Variants in CDH13 observed in about 807,000 individuals in gnomAD.
The protein encoded by CDH13 is cadherin 13.
In CDH13, 24 loss-of-function variants were observed where a neutral mutation model predicts 63.8. The ratio of observed to expected loss-of-function variants is 0.38; its 90% CI spans 0.27 to 0.53. The LOEUF (loss-of-function observed/expected upper bound fraction) is 0.53. CDH13 is among the 20% of genes least tolerant of loss of function. The probability of loss-of-function intolerance (pLI) is 0.85; values close to 1 mark genes in which losing one functional copy is unlikely to be tolerated. For synonymous variants in CDH13, 503 were observed against 355.3 expected (o/e 1.42, Z -4.67); for missense variants, 1,049 against 903.1 (o/e 1.16, Z -2.07).
chr16:82,940,410 G>C (rs1030004966), intron 2 of CDH13, among the ~76,000 whole-genome samples: 6 of 152,086 alleles, frequency 3.9e-5, no homozygotes, highest in Non-Finnish European at 7.4e-5. Context: ...CGGTGGTGAG[G>C]TTGAGTCCAA....
intron 8 of CDH13, among the ~76,000 whole-genome samples, chr16:83,662,379 A>G (rs1216997366): frequency 6.6e-6 from 1 of 152,188 alleles, no homozygotes; most frequent in African/African-American, 2.4e-5. Flanking sequence ...ATCTGGCACA[A>G]AAGAGAAACA....
intron 2 of CDH13, among the ~76,000 whole-genome samples, chr16:82,977,688 A>G (rs1369168544): frequency 6.6e-6 from 1 of 152,206 alleles, no homozygotes; most frequent in Non-Finnish European, 1.5e-5. Context: ...TATTAGCAGC[A>G]TAAAAATGGA....
At chr16:82,766,855 G>A (rs7184763) in intron 1 of CDH13, among the ~76,000 whole-genome samples, 28,262 of 151,794 alleles carry the variant, frequency 0.19, 3,199 homozygotes, top group East Asian at 0.51. Flanking sequence ...ATTTGTACCC[G>A]ACATACAATA....
intron 1 of CDH13, among the ~76,000 whole-genome samples, chr16:82,682,063 A>C (rs912473877): frequency 6.6e-6 from 1 of 152,242 alleles, no homozygotes; most frequent in Non-Finnish European, 1.5e-5. Context: ...ACTACGGAGT[A>C]ATAATAGATA....
At chr16:82,817,926 C>A (rs2037802985) in intron 1 of CDH13, among the ~76,000 whole-genome samples, 1 of 150,162 alleles carries the variant, frequency 6.7e-6, no homozygotes, top group South Asian at 2.1e-4. Context: ...CATATGCACA[C>A]ACCTATAATT....
chr16:83,156,335 G>A (rs2037205592), intron 4 of CDH13, among the ~76,000 whole-genome samples: 1 of 152,110 alleles, frequency 6.6e-6, no homozygotes, highest in African/African-American at 2.4e-5. Context: ...TCACTCCATA[G>A]TTCCATCATG....
chr16:83,726,602 G>A (rs1191858827), intron 10 of CDH13, among the ~76,000 whole-genome samples: 2 of 152,150 alleles, frequency 1.3e-5, no homozygotes, highest in Non-Finnish European at 2.9e-5. Flanking sequence ...TTGGGAGGCC[G>A]AGGCGGGCAG....
intron 1 of CDH13, among the ~76,000 whole-genome samples, chr16:82,853,032 G>A (rs1049086813): frequency 1.3e-5 from 2 of 152,164 alleles, no homozygotes; most frequent in South Asian, 4.1e-4. Flanking sequence ...ATAAATGGAA[G>A]CTAAAAAGAA....
At chr16:83,365,969 A>T (rs746347229) in intron 6 of CDH13, among the ~76,000 whole-genome samples, 39 of 152,326 alleles carry the variant, frequency 2.6e-4, no homozygotes, top group Middle Eastern at 3.4e-3. Flanking sequence ...GCCCCTAAGC[A>T]GGAAACCTAC....
At chr16:83,607,963 A>G (rs1567801854) in intron 8 of CDH13, among the ~76,000 whole-genome samples, 1 of 152,202 alleles carries the variant, frequency 6.6e-6, no homozygotes, top group African/African-American at 2.4e-5. Flanking sequence ...TTGATGCCCA[A>G]CAAATACTGA....
chr16:82,641,309 G>A (rs1456560932), intron 1 of CDH13, among the ~76,000 whole-genome samples: 2 of 152,164 alleles, frequency 1.3e-5, no homozygotes, highest in African/African-American at 2.4e-5. Context: ...CATCATAGCA[G>A]AAAAAATGGA....
intron 5 of CDH13, among the ~76,000 whole-genome samples, chr16:83,297,520 C>A (rs1263111994): frequency 6.6e-6 from 1 of 152,100 alleles, no homozygotes; most frequent in African/African-American, 2.4e-5. Context: ...ATCTCTCATG[C>A]ACCAGAGCAC....
intron 8 of CDH13, among the ~76,000 whole-genome samples, chr16:83,647,142 C>G (rs865966890): frequency 1.5e-4 from 23 of 151,886 alleles, no homozygotes; most frequent in Admixed American, 3.3e-4. Flanking sequence ...AATCCCGTCT[C>G]TACTAAAAAC....
In CDH13 at chr16:82,736,569, A is replaced by G. The variant is rs189541659; in HGVS notation, c.45+109432A>G. ...CCCATTCCAATGCCTGGTACATATTAGGAACCCACTAAATACTTGTTAAGG... is the reference window on the plus strand; with the variant it reads ...CCCATTCCAATGCCTGGTACATATTGGGAACCCACTAAATACTTGTTAAGG... On this transcript the variant is annotated intron_variant, in intron 1 of 13. Transcript: ENST00000567109. 4.5e-4 allele frequency among the ~76,000 whole-genome samples: 68 copies of G among 152,324 alleles called. 1 individual carries two copies. The highest frequency in any genetic ancestry group is 3.4e-3 in the Middle Eastern group (1 of 294).
At chr16:83,155,205 T>C (rs1413040634) in intron 4 of CDH13, among the ~76,000 whole-genome samples, 2 of 152,254 alleles carry the variant, frequency 1.3e-5, no homozygotes, top group African/African-American at 4.8e-5. Context: ...AGCAACAGAT[T>C]ATATAAGGAA....
In CDH13 at chr16:82,670,609, A is replaced by G. The variant is rs547726625; in HGVS notation, c.45+43472A>G. 9.2e-4 allele frequency among the ~76,000 whole-genome samples: 140 copies of G among 152,188 alleles called. 2 individuals are homozygous for G. Among genetic ancestry groups the G allele is most frequent in the Non-Finnish European group, 1.8e-3 (122 of 68,040 alleles). On this transcript the variant is annotated intron_variant, in intron 1 of 13. Coordinates refer to ENST00000567109, the MANE Select transcript of CDH13 (RefSeq NM_001257.5). ...CAGATGGGGCTATAATTAGGGGATG[A>G]GCTTCCAACAGATTCTCGGAATGAG...
intron 1 of CDH13, chr16:82,826,479 T>C (rs1597719822): frequency 1.3e-5 from 2 of 152,192 alleles, no homozygotes; most frequent in East Asian, 3.9e-4. Flanking sequence ...TTTTAAATCG[T>C]GCAGTTCTGT....
At chr16:82,770,758 A>G (rs2151096271) in intron 1 of CDH13, among the ~76,000 whole-genome samples, 1 of 152,292 alleles carries the variant, frequency 6.6e-6, no homozygotes, top group East Asian at 1.9e-4. Context: ...CCCAAGCTGG[A>G]GTGCAGTGGC....
At chr16:83,213,821 C>T (rs2039409323) in intron 4 of CDH13, among the ~76,000 whole-genome samples, 1 of 152,106 alleles carries the variant, frequency 6.6e-6, no homozygotes, top group Admixed American at 6.5e-5. Context: ...TGGTAAAATG[C>T]ACCAATCAGC....
Sources: allele counts gnomAD v4.1 joint callset (sites outside exome capture counted in the v4.1 genomes callset), GRCh38; gene constraint gnomAD v4.1.1; transcripts MANE v1.5; gene names NCBI Gene and HGNC (gene_info 2026-07-23, HGNC 2026-07-21).